GNA14: variants seen among roughly 807,000 people sequenced by gnomAD.
The protein encoded by GNA14 is G protein subunit alpha 14, also known as guanine nucleotide-binding protein subunit alpha-14.
In GNA14, 50 loss-of-function variants were observed where a neutral mutation model predicts 42.0. That is an observed-to-expected ratio of 1.19 (90% CI 0.95 to 1.51). The LOEUF (loss-of-function observed/expected upper bound fraction) is 1.51, where lower values mean the gene tolerates loss of function less well. Among genes scored for constraint, GNA14 ranks in the 40% most tolerant of loss-of-function variants. The pLI is 0.00. For synonymous variants in GNA14, 173 were observed against 163.1 expected, an observed-to-expected ratio of 1.06 and a Z score of -0.46; for missense variants, 473 against 446.2, an observed-to-expected ratio of 1.06 and a Z score of -0.54.
intron 2 of GNA14, among the ~76,000 whole-genome samples, chr9:77,452,057 A>G (rs1019630685): frequency 2.0e-5 from 3 of 152,162 alleles, no homozygotes. Flanking sequence ...GGGGAAGCGG[A>G]TATAACTCCA....
intron 2 of GNA14, among the ~76,000 whole-genome samples, chr9:77,464,742 G>A (rs1441104324): frequency 6.6e-6 from 1 of 152,170 alleles, no homozygotes; most frequent in Non-Finnish European, 1.5e-5. Context: ...TAAAAGATAT[G>A]TTGAAATCTG....
intron 1 of GNA14, among the ~76,000 whole-genome samples, chr9:77,572,686 A>G (rs1486168331): frequency 6.6e-6 from 1 of 152,240 alleles, no homozygotes; most frequent in African/African-American, 2.4e-5. Flanking sequence ...AAGAAATTAA[A>G]TATATTAAGC....
intron 1 of GNA14, among the ~76,000 whole-genome samples, chr9:77,594,383 C>G (rs565894698): frequency 1.3e-5 from 2 of 152,284 alleles, no homozygotes; most frequent in Non-Finnish European, 2.9e-5. Context: ...ACATCGGCTC[C>G]GAGTGTGGAA....
At chr9:77,427,320 C>A in intron 5 of GNA14, among the ~76,000 whole-genome samples, 1 of 97,622 alleles carries the variant, frequency 1.0e-5, no homozygotes. Flanking sequence ...GAATGTCTTG[C>A]CTTTAAAAAA....
chr9:77,447,537 G>A (rs1452510706), intron 2 of GNA14, among the ~76,000 whole-genome samples: 4 of 152,156 alleles, frequency 2.6e-5, no homozygotes, highest in East Asian at 3.8e-4. Context: ...TTATTAGAGA[G>A]GACAGGCTAA....
chr9:77,508,383 C>T (rs533422526), intron 2 of GNA14, among the ~76,000 whole-genome samples: 5 of 152,104 alleles, frequency 3.3e-5, no homozygotes, highest in African/African-American at 7.2e-5. Flanking sequence ...AGAGCTGTCA[C>T]GATGGAAGAA....
intron 2 of GNA14, among the ~76,000 whole-genome samples, chr9:77,466,885 T>C (rs141431651): frequency 3.0e-4 from 45 of 152,214 alleles, no homozygotes; most frequent in Middle Eastern, 3.4e-3. Flanking sequence ...TGCTTGGGTG[T>C]TTCTCCCCTT....
At chr9:77,583,173 A>T (rs1045885120) in intron 1 of GNA14, among the ~76,000 whole-genome samples, 1 of 152,220 alleles carries the variant, frequency 6.6e-6, no homozygotes, top group East Asian at 1.9e-4. Context: ...AACAAATGAG[A>T]TAACGCAGTC....
At chr9:77,572,783 T>A (rs1823079145) in intron 1 of GNA14, among the ~76,000 whole-genome samples, 1 of 152,244 alleles carries the variant, frequency 6.6e-6, no homozygotes, top group Non-Finnish European at 1.5e-5. Context: ...TGTACATTTT[T>A]AAATCAGGTC....
intron 1 of GNA14, among the ~76,000 whole-genome samples, chr9:77,576,534 G>T (rs1202215501): frequency 6.6e-6 from 1 of 152,100 alleles, no homozygotes; most frequent in African/African-American, 2.4e-5. Flanking sequence ...AGTTTCAGTT[G>T]ATGCATTTGT....
rs59560253 is a variant in GNA14 at position 77,465,403 on chromosome 9, T to A, written c.310-30881A>T. Reference sequence around the variant, plus strand: ...ATTGTAGGAAAATACCACATTTATTTATCTCCTCCTTCGTTGAGGCCATTT... The same window carrying A: ...ATTGTAGGAAAATACCACATTTATTAATCTCCTCCTTCGTTGAGGCCATTT... On this transcript the variant is annotated intron_variant, in intron 2 of 6. Coordinates refer to ENST00000341700, the MANE Select transcript of GNA14 (RefSeq NM_004297.4). Among the ~76,000 whole-genome samples the A allele has an allele frequency of 9.9e-3, 1,502 of 152,360 alleles. 27 individuals are homozygous for A. The highest frequency in any genetic ancestry group is 0.034 in the African/African-American group (1,405 of 41,570).
At chr9:77,432,140 A>G (rs1835566884) in intron 3 of GNA14, among the ~76,000 whole-genome samples, 1 of 152,060 alleles carries the variant, frequency 6.6e-6, no homozygotes, top group African/African-American at 2.4e-5. Flanking sequence ...GCCTTTCTAA[A>G]AGACACTTTT....
intron 1 of GNA14, among the ~76,000 whole-genome samples, chr9:77,630,033 TATTTG>T (rs906260353): frequency 3.3e-5 from 5 of 152,128 alleles, no homozygotes; most frequent in African/African-American, 1.2e-4. Flanking sequence ...TAAATGTGAT[TATTTG>T]ATTTGATTAC....
At chr9:77,462,753 G>T in intron 2 of GNA14, among the ~76,000 whole-genome samples, 1 of 149,830 alleles carries the variant, frequency 6.7e-6, no homozygotes, top group Non-Finnish European at 1.5e-5. Context: ...GAAAAGGAAT[G>T]ACTCAGCTTA....
chr9:77,532,997 G>T (rs1026617674), intron 1 of GNA14, among the ~76,000 whole-genome samples: 8 of 152,166 alleles, frequency 5.3e-5, no homozygotes, highest in African/African-American at 1.9e-4. Context: ...CAGAGGGCTT[G>T]CAATCCTGGA....
chr9:77,529,095 T>C lies in GNA14; in HGVS notation c.283A>G (p.Ile95Val), dbSNP rs1486400919. The change falls in exon 2 of 7, where the codon ATA becomes GTA. Residue 95 changes from isoleucine to valine, a missense_variant. Ile to Val is a conservative substitution (Grantham distance 29). Transcript: ENST00000341700. ...TTATTCTGTTCACACACATACTGTA[T>C]CCTTAGCGTGTCCATCGCTCTGATC... ...AMIRAMDTLR[I>V]QYVCEQNKEN... The C allele has an allele frequency of 1.2e-6, 2 of 1,614,054 alleles. No individual in the cohort carries two copies. The highest frequency in any genetic ancestry group is 3.3e-5 in the Admixed American group (2 of 60,000).
At chr9:77,563,523 A>C (rs1050508671) in intron 1 of GNA14, among the ~76,000 whole-genome samples, 44 of 152,324 alleles carry the variant, frequency 2.9e-4, no homozygotes, top group African/African-American at 1.0e-3. Flanking sequence ...TATTGACCCT[A>C]GGTCAAGTAT....
intron 2 of GNA14, among the ~76,000 whole-genome samples, chr9:77,520,661 G>A (rs964538132): frequency 2.6e-5 from 4 of 152,146 alleles, no homozygotes; most frequent in Admixed American, 6.5e-5. Context: ...CGCCTCCGGG[G>A]TTCAAGAGAT....
intron 1 of GNA14, among the ~76,000 whole-genome samples, chr9:77,553,119 G>A (rs1460287256): frequency 1.8e-4 from 27 of 152,192 alleles, no homozygotes; most frequent in Admixed American, 1.8e-3. Context: ...ATGTCTCTCA[G>A]AGGAGCTTCA....
Sources: allele counts gnomAD v4.1 joint callset (sites outside exome capture counted in the v4.1 genomes callset), GRCh38; gene constraint gnomAD v4.1.1; transcripts MANE v1.5; gene names NCBI Gene and HGNC (gene_info 2026-07-23, HGNC 2026-07-21).